Variants in SERPINA10 observed in about 807,000 individuals in gnomAD.
SERPINA10 encodes protein Z-dependent protease inhibitor.
SERPINA10 carries 24 observed loss-of-function variants against 28.0 expected under a neutral mutation model. The ratio of observed to expected loss-of-function variants is 0.86; its 90% confidence interval spans 0.62 to 1.20. The LOEUF (loss-of-function observed/expected upper bound fraction) is 1.20, where lower values mean the gene tolerates loss of function less well. SERPINA10 is among the 50% of genes most tolerant of loss of function. The pLI is 0.00. For synonymous variants in SERPINA10, 207 were observed against 203.9 expected (o/e 1.02, Z -0.13); for missense variants, 521 against 537.7 (o/e 0.97, Z 0.31).
intron 4 of SERPINA10, among the ~76,000 whole-genome samples, chr14:94,285,257 A>T (rs187907259): frequency 1.3e-5 from 2 of 152,256 alleles, no homozygotes; most frequent in Non-Finnish European, 2.9e-5. Context: ...CAGCAATGCT[A>T]ACCAGTTCCC....
intron 1 of SERPINA10, among the ~76,000 whole-genome samples, chr14:94,291,697 G>A (rs558278810): frequency 4.6e-5 from 7 of 152,300 alleles, no homozygotes; most frequent in African/African-American, 1.4e-4. Flanking sequence ...GGATGCTGCC[G>A]GCCTCACAGT....
intron 1 of SERPINA10, 74 bp from the exon 2 acceptor site, chr14:94,290,717 G>T (rs749187397): frequency 6.7e-7 from 1 of 1,495,260 alleles, no homozygotes; most frequent in Non-Finnish European, 9.0e-7. Flanking sequence ...AGCTTCTTCA[G>T]GGACCCTGCC....
rs140430900 is a variant in SERPINA10, at chr14:94,286,237, C to T, written c.1014G>A (p.Pro338=). 8 of 1,613,774 alleles carry T rather than the reference C, an allele frequency of 5.0e-6. No individual in the cohort carries two copies. Among genetic ancestry groups the T allele is most frequent in the South Asian group, 2.2e-5 (2 of 91,070 alleles). Residue 338 remains proline (P), a synonymous_variant, in exon 4 of 5, where the codon CCG becomes CCA. Transcript: ENST00000261994. ...MKTRNMEVFF[P]KFKLDQKYEM... Reference sequence around the variant, plus strand: ...CATACTTCTGATCTAGCTTGAACTTCGGAAAGAAAACTTCCATGTTTCTGT... The same window carrying T: ...CATACTTCTGATCTAGCTTGAACTTTGGAAAGAAAACTTCCATGTTTCTGT...
rs762364584 is a variant in SERPINA10 at position 94,289,940 on chromosome 14, G to A, written c.654C>T (p.Pro218=). ...YINKETRGKI[P]KLFDEINPET... ...CAGGATTAATCTCATCAAACAGTTT[G>A]GGAATTTTCCCCCGAGTCTCTTTGT... Residue 218 remains proline (P), a synonymous_variant, in exon 2 of 5, where the codon CCC becomes CCT. Transcript: ENST00000261994. 6.2e-7 allele frequency: 1 copy of A among 1,614,084 alleles called. No individual in the cohort carries two copies. The highest frequency in any genetic ancestry group is 2.2e-5 in the East Asian group (1 of 44,878).
At position 94,285,526 on chromosome 14, in the gene SERPINA10, CAT is replaced by C. The variant is rs561474653; in HGVS notation, c.1143+580_1143+581del. The stretch of plus-strand genomic sequence containing the variant: ...GTGTGTATATATATATACACACACA[CAT>C]ATACACACATATACATTTATACACA... On this transcript the variant is annotated intron_variant, in intron 4 of 4. Coordinates refer to ENST00000261994, the MANE Select transcript of SERPINA10 (RefSeq NM_001100607.3). Among the ~76,000 whole-genome samples, 28 of 150,854 alleles carry C rather than the reference CAT, an allele frequency of 1.9e-4. No homozygotes were observed. In the South Asian group the frequency reaches 4.2e-3, roughly 23 times the overall value.
At position 94,284,143 on chromosome 14, in the gene SERPINA10, G is replaced by A; in HGVS notation, c.1157C>T (p.Thr386Ile). 6.2e-7 allele frequency: 1 copy of A among 1,614,030 alleles called. No homozygotes were observed. ...GCCCCTTTCATCAACTTCAATCACT[G>A]TTCTTTGTAAAACCTGGAAAAAGGA... is the stretch of plus-strand genomic sequence containing the variant. Reference protein sequence around the residue: ...NLQVSRVLQRTVIEVDERGTE... With the variant: ...NLQVSRVLQRIVIEVDERGTE... Residue 386 changes from threonine (T) to isoleucine (I), a missense_variant, in exon 5 of 5, where the codon ACA (threonine) becomes ATA (isoleucine). Transcript: ENST00000261994.
At position 94,280,577 on chromosome 14, in the gene SERPINA10, A is replaced by G. The variant is rs1894874321; in HGVS notation, c.*3388T>C. On this transcript the variant is annotated 3_prime_UTR_variant, in exon 5 of 5. Coordinates refer to ENST00000261994, the MANE Select transcript of SERPINA10 (RefSeq NM_001100607.3). Reference sequence around the variant, plus strand: ...TACATGTATCTCCATTTATATCAAAAACAAGATGGATACTTTTGTGAAAGT... The same window carrying G: ...TACATGTATCTCCATTTATATCAAAGACAAGATGGATACTTTTGTGAAAGT... 2 of 152,216 alleles carry G rather than the reference A, an allele frequency of 1.3e-5. No individual in the cohort carries two copies. The highest frequency in any genetic ancestry group is 1.3e-4 in the Admixed American group (2 of 15,286). 9.4% of individuals were successfully genotyped at this position (152,216 alleles called of 1,614,324 possible). A position where few individuals can be genotyped will look rare whatever the true frequency, so the allele number is the denominator to read the frequency against.
intron 3 of SERPINA10, among the ~76,000 whole-genome samples, chr14:94,286,627 CTG>C (rs1281584599): frequency 6.6e-6 from 1 of 152,180 alleles, no homozygotes; most frequent in African/African-American, 2.4e-5. Flanking sequence ...CCCGAGGAGT[CTG>C]GGGATGGATG....
chr14:94,291,977 G>A (rs1895189821), intron 1 of SERPINA10, among the ~76,000 whole-genome samples: 1 of 152,134 alleles, frequency 6.6e-6, no homozygotes, highest in Non-Finnish European at 1.5e-5. Flanking sequence ...TTTCCCAAAG[G>A]ACACTGTTGA....
chr14:94,285,114 G>A (rs1462058858), intron 4 of SERPINA10, among the ~76,000 whole-genome samples: 1 of 152,144 alleles, frequency 6.6e-6, no homozygotes, highest in Admixed American at 6.5e-5. Flanking sequence ...ATTGAAAATT[G>A]CAATTGTATA....
At position 94,289,318 on chromosome 14, in the gene SERPINA10, C is replaced by T. The variant is rs78157169; in HGVS notation, c.718+558G>A. Reference sequence around the variant, plus strand: ...TACTGTGTGACCTTGATCAAGCTAACGTCTCTGAGCTGGTTTCATCTTTAG... The same window carrying T: ...TACTGTGTGACCTTGATCAAGCTAATGTCTCTGAGCTGGTTTCATCTTTAG... On this transcript the variant is annotated intron_variant, in intron 2 of 4. Coordinates refer to ENST00000261994, the MANE Select transcript of SERPINA10 (RefSeq NM_001100607.3). 2.3e-3 allele frequency among the ~76,000 whole-genome samples: 344 copies of T among 152,324 alleles called. 10 individuals are homozygous for T. The East Asian group carries it at 0.06, about 27-fold the overall frequency.
In SERPINA10 at chr14:94,290,037, A is replaced by G. The variant is rs761211897; in HGVS notation, c.557T>C (p.Phe186Ser). 5 of 1,614,264 alleles carry G rather than the reference A, an allele frequency of 3.1e-6. No individual in the cohort carries two copies. The highest frequency in any genetic ancestry group is 1.6e-4 in the Middle Eastern group (1 of 6,062). ...ETFFNLSKRY[F>S]DTECVPMNFR... Reference sequence around the variant, plus strand: ...ATTCATAGGCACGCACTCTGTATCAAAATACCTCTTGGATAAATTGAAGAA... The same window carrying G: ...ATTCATAGGCACGCACTCTGTATCAGAATACCTCTTGGATAAATTGAAGAA... Residue 186 changes from phenylalanine (F) to serine (S), a missense_variant, in exon 2 of 5, where the codon TTT (phenylalanine) becomes TCT (serine). Physicochemically the swap from Phe to Ser is radical, Grantham distance 155. Transcript: ENST00000261994.
Position 94,293,179 on chromosome 14 carries a change from T to G in SERPINA10, c.-51+10A>C, listed in dbSNP as rs1037819730. ...TCATTGAAGGTCTCCTGTAACCCAC[T>G]GCCTCTTACCAGTGTGTGGCCTTGG... is the stretch of plus-strand genomic sequence containing the variant. On this transcript the variant is annotated intron_variant, in intron 1 of 4. Transcript: ENST00000261994. 1 of 157,238 alleles carries G rather than the reference T, an allele frequency of 6.4e-6. No homozygotes were observed. Among genetic ancestry groups the G allele is most frequent in the African/African-American group, 2.4e-5 (1 of 41,634 alleles). 9.7% of individuals were successfully genotyped at this position (157,238 alleles called of 1,614,324 possible). A position where few individuals can be genotyped will look rare whatever the true frequency, so the allele number is the denominator to read the frequency against.
At chr14:94,290,741 T>TAACCTACTTGAGCCA in intron 1 of SERPINA10, 98 bp from the exon 2 acceptor site, 1 of 1,369,348 alleles carries the variant, frequency 7.3e-7, no homozygotes, top group Non-Finnish European at 9.9e-7. Flanking sequence ...TTCCTGTGGC[T>TAACCTACTTGAGCCA]CAAGTAGGTT....
intron 4 of SERPINA10, among the ~76,000 whole-genome samples, chr14:94,284,418 C>A (rs182937400): frequency 6.6e-5 from 10 of 152,314 alleles, no homozygotes; most frequent in Non-Finnish European, 1.3e-4. Context: ...GGCATGGACT[C>A]AGGATGCACT....
rs1162068079 is a variant in SERPINA10 at position 94,283,983 on chromosome 14, C to T, written c.1317G>A (p.Val439=). The T allele has an allele frequency of 4.3e-6, 7 of 1,614,026 alleles. No homozygotes were observed. Among genetic ancestry groups the T allele is most frequent in the Non-Finnish European group, 5.9e-6 (7 of 1,179,892 alleles). Reference sequence around the variant, plus strand: ...TCCTGAATTATAGGAGAGTCGGATTCACCACCCTGCCCAGAAACAGAAGCA... The same window carrying T: ...TCCTGAATTATAGGAGAGTCGGATTTACCACCCTGCCCAGAAACAGAAGCA... ...SGMLLFLGRV[V]NPTLL The change falls in exon 5 of 5, where the codon GTG becomes GTA. Residue 439 remains valine, a synonymous_variant. Transcript: ENST00000261994.
chr14:94,286,041 T>C, intron 4 of SERPINA10, 67 bp downstream of exon 4: 2 of 1,587,982 alleles, frequency 1.3e-6, no homozygotes, highest in Non-Finnish European at 1.7e-6. Flanking sequence ...TTAAATGGTT[T>C]GTAAAAGCAT....
Position 94,281,780 on chromosome 14 carries a change from T to G in SERPINA10, c.*2185A>C, listed in dbSNP as rs145512085. The G allele has an allele frequency of 2.0e-5, 3 of 151,988 alleles. No individual in the cohort carries two copies. The highest frequency in any genetic ancestry group is 1.3e-4 in the Admixed American group (2 of 15,264). 9.4% of individuals were successfully genotyped at this position (151,988 alleles called of 1,614,324 possible). A position where few individuals can be genotyped will look rare whatever the true frequency, so the allele number is the denominator to read the frequency against. On this transcript the variant is annotated 3_prime_UTR_variant, in exon 5 of 5. Coordinates refer to ENST00000261994, the MANE Select transcript of SERPINA10 (RefSeq NM_001100607.3). ...GTATGTGGTGGGAAGAAGGCAGGAG[T>G]TTTTTATCTGCATGCTATATGAATC... is the stretch of plus-strand genomic sequence containing the variant.
At position 94,284,803 on chromosome 14, in the gene SERPINA10, T is replaced by C. The variant is rs933129262; in HGVS notation, c.1144-647A>G. ...TAAGAGATAATGAAAACATAACATG[T>C]AATTACACTGATTTTCACTCCAGGA... is the stretch of plus-strand genomic sequence containing the variant. On this transcript the variant is annotated intron_variant, in intron 4 of 4. Transcript: ENST00000261994. 3.3e-5 allele frequency among the ~76,000 whole-genome samples: 5 copies of C among 152,338 alleles called. 1 individual carries two copies. In the South Asian group the frequency reaches 8.3e-4, roughly 25 times the overall value.
Sources: gnomAD v4.1 joint callset for allele counts (sites outside exome capture counted in the v4.1 genomes callset) on GRCh38, gnomAD v4.1.1 for gene constraint, MANE v1.5 for transcripts, NCBI Gene and HGNC (gene_info 2026-07-23, HGNC 2026-07-21) for gene names.